ALDH7A1: variants seen among roughly 807,000 people sequenced by gnomAD.
ALDH7A1 encodes the protein alpha-aminoadipic semialdehyde dehydrogenase.
Under a neutral mutation model 79.9 loss-of-function variants are expected in ALDH7A1, and 63 were observed. The ratio of observed to expected loss-of-function variants is 0.79; its 90% CI spans 0.64 to 0.97. The LOEUF is 0.97. Among genes scored for constraint, ALDH7A1 ranks in the 50% least tolerant of loss-of-function variants. ALDH7A1 has a pLI of 0.00. For synonymous variants in ALDH7A1, 240 were observed against 231.2 expected, an observed-to-expected ratio of 1.04 and a Z score of -0.34; for missense variants, 627 against 665.2, an observed-to-expected ratio of 0.94 and a Z score of 0.63.
Position 126,543,711 on chromosome 5 carries a change from T to A in ALDH7A1, c.*1254A>T, listed in dbSNP as rs1419071163. On this transcript the variant is annotated 3_prime_UTR_variant, in exon 18 of 18. Coordinates refer to ENST00000409134, the MANE Select transcript of ALDH7A1 (RefSeq NM_001182.5). ...ACCTGGCAGGAGTAGAGGGGTGCCA[T>A]GCAGAAGGGGAGCAGAGAATGCCAG... The A allele has an allele frequency of 6.6e-6, 1 of 152,124 alleles. No individual in the cohort carries two copies. Among genetic ancestry groups the A allele is most frequent in the African/African-American group, 2.4e-5 (1 of 41,404 alleles). The allele number at this position is 152,124 out of a possible 1,614,324, so 9.4% of individuals were successfully genotyped here.
chr5:126,595,120 C>G lies in ALDH7A1; in HGVS notation c.79G>C (p.Ala27Pro), dbSNP rs1060502950. 4 of 1,581,296 alleles carry G rather than the reference C, an allele frequency of 2.5e-6. No homozygotes were observed. Among genetic ancestry groups the G allele is most frequent in the Non-Finnish European group, 3.4e-6 (4 of 1,162,922 alleles). The change falls in exon 1 of 18, where the codon GCC becomes CCC. Residue 27 changes from alanine to proline, a missense_variant. Transcript: ENST00000409134. The stretch of plus-strand genomic sequence containing the variant: ...TTGATGAGGAGAGTGGACATGAAGG[C>G]GGCAGGCCTGCTCCAAGGTCCAGAG... The part of the protein sequence containing the change: ...KLSGPWSRPA[A>P]FMSTLLINQP...
chr5:126,576,982 A>T, intron 6 of ALDH7A1, 97 bp downstream of exon 6: 1 of 1,510,138 alleles, frequency 6.6e-7, no homozygotes. Flanking sequence ...GGTGATGCAC[A>T]CTTATAATCC....
chr5:126,594,925 C>T, intron 1 of ALDH7A1, 82 bp downstream of exon 1: 2 of 1,521,126 alleles, frequency 1.3e-6, no homozygotes, highest in Non-Finnish European at 1.8e-6. Context: ...CCAGCGCCAG[C>T]GGGGAGTCGG....
rs765576421 is a variant in ALDH7A1, at chr5:126,546,374, G to A, written c.1515C>T (p.Gly505=). ...AFGGEKHTGG[G]RESGSDAWKQ... ...TCCAGGCATCACTGCCAGACTCCCT[G>A]CCACCACCAGTGTGCTTTTCTCCTC... The change falls in exon 17 of 18, where the codon GGC becomes GGT. Residue 505 remains glycine (G), a synonymous_variant. Coordinates refer to ENST00000409134, the MANE Select transcript of ALDH7A1 (RefSeq NM_001182.5). 5.0e-6 allele frequency: 8 copies of A among 1,614,018 alleles called. No individual in the cohort carries two copies. In the East Asian group the frequency reaches 1.8e-4, roughly 36 times the overall value.
rs117295656 is a variant in ALDH7A1, at chr5:126,583,952, T to C, written c.373A>G (p.Ile125Val). 2,235 of 1,614,130 alleles carry C rather than the reference T, an allele frequency of 1.4e-3. 29 individuals are homozygous for C. The East Asian group carries it at 0.029, about 21-fold the overall frequency. Residue 125 changes from isoleucine (I) to valine (V), a missense_variant, in exon 4 of 18, where the codon ATC becomes GTC. Ile to Val is a conservative substitution (Grantham distance 29). Coordinates refer to ENST00000409134, the MANE Select transcript of ALDH7A1 (RefSeq NM_001182.5). Reference sequence around the variant, plus strand: ...TTTACCAAGCTTCCTAGTACTTGGATCTTCTCCCGCAAGGCATCGCCAATC... The same window carrying C: ...TTTACCAAGCTTCCTAGTACTTGGACCTTCTCCCGCAAGGCATCGCCAATC... ...RQIGDALREK[I>V]QVLGSLVSLE... is the part of the protein sequence containing the mutation.
Position 126,544,666 on chromosome 5 carries a change from C to T in ALDH7A1, c.*299G>A. ...TCCCAAATTCCTACCCTGGTACGTA[C>T]TATTTTTTTCTAATTACAAAATAAT... On this transcript the variant is annotated 3_prime_UTR_variant, in exon 18 of 18. Transcript: ENST00000409134. 2.6e-6 allele frequency: 1 copy of T among 391,358 alleles called. No individual in the cohort carries two copies. The highest frequency in any genetic ancestry group is 4.8e-6 in the Non-Finnish European group (1 of 209,838). The allele number at this position is 391,358 out of a possible 1,614,324, so 24.2% of individuals were successfully genotyped here.
rs771500732 is a variant in ALDH7A1 at position 126,575,481 on chromosome 5, C to CA, written c.651-18dup. 1.9e-6 allele frequency: 3 copies of CA among 1,604,810 alleles called. No homozygotes were observed. Among genetic ancestry groups the CA allele is most frequent in the Non-Finnish European group, 8.5e-7 (1 of 1,176,504 alleles). ...GCTCCTTTCCTTAAGAAGGTTAAAACAAAAAAAGAAAAAGAAAAACTTATT... is the reference window on the plus strand; with the variant it reads ...GCTCCTTTCCTTAAGAAGGTTAAAACAAAAAAAAGAAAAAGAAAAACTTATT... On this transcript the variant is annotated splice_polypyrimidine_tract_variant and intron_variant, in intron 6 of 17. Coordinates refer to ENST00000409134, the MANE Select transcript of ALDH7A1 (RefSeq NM_001182.5).
rs747643987 is a variant in ALDH7A1, at chr5:126,593,396, C to T, written c.201G>A (p.Thr67=). Residue 67 remains threonine, a synonymous_variant, in exon 2 of 18, where the codon ACG becomes ACA. Transcript: ENST00000409134. ...GSWGGRGEVI[T]TYCPANNEPI... ...GCTCGTTGTTAGCAGGGCAATAGGT[C>T]GTAATAACCTTAAAACAAAAGGATG... 19 of 1,613,092 alleles carry T rather than the reference C, an allele frequency of 1.2e-5. No individual in the cohort carries two copies. Among genetic ancestry groups the T allele is most frequent in the Middle Eastern group, 1.7e-4 (1 of 5,924 alleles).
At chr5:126,559,996 G>C (rs957926210) in intron 10 of ALDH7A1, among the ~76,000 whole-genome samples, 1 of 151,764 alleles carries the variant, frequency 6.6e-6, no homozygotes, top group African/African-American at 2.4e-5. Flanking sequence ...CCAGGCTGGA[G>C]TGTAGTGGCA....
chr5:126,550,324 T>A, intron 14 of ALDH7A1, 31 bp from the exon 15 acceptor site: 4 of 1,512,994 alleles, frequency 2.6e-6, no homozygotes, highest in South Asian at 1.1e-5. Flanking sequence ...AGCTGTAAGA[T>A]GTTATAGTGT....
chr5:126,551,795 T>C (rs1750008896), intron 14 of ALDH7A1, among the ~76,000 whole-genome samples: 1 of 152,154 alleles, frequency 6.6e-6, no homozygotes, highest in Non-Finnish European at 1.5e-5. Context: ...CTTCATAAAC[T>C]CCAACACTGG....
At chr5:126,575,511 G>C (rs1189020383) in intron 6 of ALDH7A1, 47 bp from the exon 7 acceptor site, 1 of 1,539,408 alleles carries the variant, frequency 6.5e-7, no homozygotes, top group South Asian at 1.2e-5. Context: ...CTTATTTGAC[G>C]GAAACCATAA....
intron 3 of ALDH7A1, among the ~76,000 whole-genome samples, chr5:126,585,593 T>C (rs937472858): frequency 1.3e-5 from 2 of 152,162 alleles, no homozygotes; most frequent in Admixed American, 1.3e-4. Flanking sequence ...GGGGTCTCGC[T>C]CTGTCACGCC....
intron 3 of ALDH7A1, chr5:126,592,058 T>TGAG (rs905565079): frequency 1.9e-4 from 29 of 152,990 alleles, no homozygotes; most frequent in African/African-American, 7.0e-4. Context: ...CTCAGCCTCC[T>TGAG]GAGTAGGCTG....
chr5:126,592,756 A>C, intron 2 of ALDH7A1, 27 bp from the exon 3 acceptor site: 1 of 1,594,954 alleles, frequency 6.3e-7, no homozygotes, highest in Non-Finnish European at 8.6e-7. Flanking sequence ...GGGGACAGAA[A>C]GGGGGAAATA....
At chr5:126,594,275 A>C in intron 1 of ALDH7A1, 1 of 471,080 alleles carries the variant, frequency 2.1e-6, no homozygotes, top group Non-Finnish European at 4.4e-6. Flanking sequence ...AAACTCCCAA[A>C]GAATTCAGGA....
At chr5:126,594,970 C>T (rs1405064537) in intron 1 of ALDH7A1, 37 bp downstream of exon 1, 1 of 1,558,214 alleles carries the variant, frequency 6.4e-7, no homozygotes, top group Non-Finnish European at 8.7e-7. Context: ...TCGAGCGAGC[C>T]CCGGCGGCTG....
intron 9 of ALDH7A1, among the ~76,000 whole-genome samples, chr5:126,565,425 C>T (rs527322976): frequency 0.011 from 1,583 of 138,796 alleles, 16 homozygotes; most frequent in Non-Finnish European, 0.017. Flanking sequence ...AAAAAAAAGA[C>T]GGCTATTCAA....
chr5:126,551,925 C>A (rs377094716), intron 14 of ALDH7A1, 96 bp downstream of exon 14: 2 of 980,482 alleles, frequency 2.0e-6, no homozygotes. Context: ...CTTTCTAAAA[C>A]CCTCTTAAAG....
Sources: allele counts gnomAD v4.1 joint callset (sites outside exome capture counted in the v4.1 genomes callset), GRCh38; gene constraint gnomAD v4.1.1; transcripts MANE v1.5; gene names NCBI Gene and HGNC (gene_info 2026-07-23, HGNC 2026-07-21).